LARS1: variants seen among roughly 807,000 people sequenced by gnomAD.
LARS1 encodes the protein leucyl-tRNA synthetase 1, also known as leucine--tRNA ligase, cytoplasmic.
Under a neutral mutation model 162.8 loss-of-function variants are expected in LARS1, and 100 were observed. The ratio of observed to expected loss-of-function variants is 0.61; its 90% CI spans 0.52 to 0.73. LARS1 has a LOEUF of 0.73. Ranked by LOEUF, LARS1 falls within the 30% of genes least tolerant of loss-of-function variation. The pLI, the probability that LARS1 is intolerant of heterozygous loss-of-function variation, is 0.00. For missense variants in LARS1, 1,258 were observed against 1,408.9 expected (o/e 0.89, Z 1.71); for synonymous variants, 457 against 462.8 (o/e 0.99, Z 0.16).
chr5:146,164,356 T>C lies in LARS1; in HGVS notation c.548A>G (p.Tyr183Cys). ...ATCCTGAATAGCCAGTGGCGGGAAA[T>C]AATCAAGCCAATGTTCTGCTTCAGA... ...KFSEAEHWLD[Y>C]FPPLAIQDLK... The change falls in exon 6 of 32, where the codon TAT becomes TGT. Residue 183 changes from tyrosine to cysteine, a missense_variant. By Grantham distance (194) the Tyr-to-Cys change is radical (BLOSUM62 -2). Coordinates refer to ENST00000394434, the MANE Select transcript of LARS1 (RefSeq NM_020117.11). 6.2e-7 allele frequency: 1 copy of C among 1,606,618 alleles called. No individual in the cohort carries two copies. The highest frequency in any genetic ancestry group is 1.1e-5 in the South Asian group (1 of 91,048).
Position 146,143,298 on chromosome 5 carries a change from A to G in LARS1, c.1877+114T>C, listed in dbSNP as rs1351232229. On this transcript the variant is annotated intron_variant, in intron 19 of 31. Coordinates refer to ENST00000394434, the MANE Select transcript of LARS1 (RefSeq NM_020117.11). ...CCCAGTTCAATAGTAAAAAAGCAAAAATATCATGACAAAATTCTGTGAAAT... is the reference window on the plus strand; with the variant it reads ...CCCAGTTCAATAGTAAAAAAGCAAAGATATCATGACAAAATTCTGTGAAAT... 3 of 1,408,982 alleles carry G rather than the reference A, an allele frequency of 2.1e-6. No individual in the cohort carries two copies. In the East Asian group the frequency reaches 6.9e-5, roughly 32 times the overall value. 87.3% of individuals were successfully genotyped at this position (1,408,982 alleles called of 1,614,324 possible).
At chr5:146,150,942 G>GACAC (rs3995492) in intron 14 of LARS1, among the ~76,000 whole-genome samples, 35,212 of 134,570 alleles carry the variant, frequency 0.26, 4,729 homozygotes, top group Middle Eastern at 0.35. Flanking sequence ...CCGTCAGATA[G>GACAC]ACACACACAC....
At position 146,130,845 on chromosome 5, in the gene LARS1, C is replaced by T. The variant is rs115245364; in HGVS notation, c.2487+174G>A. 3.3e-3 allele frequency: 1,463 copies of T among 447,596 alleles called. 16 individuals are homozygous for T. Among genetic ancestry groups the T allele is most frequent in the African/African-American group, 0.027 (1,325 of 49,104 alleles). The allele number at this position is 447,596 out of a possible 1,614,324, so 27.7% of individuals were successfully genotyped here. A position where few individuals can be genotyped will look rare whatever the true frequency, so the allele number is the denominator to read the frequency against. ...TTAAATGGACACAATAGAAAAAATA[C>T]CAAAGATAATAACTTAAAATCACAA... On this transcript the variant is annotated intron_variant, in intron 24 of 31. Transcript: ENST00000394434.
chr5:146,176,242 A>G, intron 2 of LARS1, among the ~76,000 whole-genome samples: 1 of 152,072 alleles, frequency 6.6e-6, no homozygotes, highest in Non-Finnish European at 1.5e-5. Flanking sequence ...TCACGAGGTC[A>G]GGAAATCGAG....
At position 146,161,694 on chromosome 5, in the gene LARS1, AGT is replaced by A. The variant is rs559040823; in HGVS notation, c.595-1210_595-1209del. Among the ~76,000 whole-genome samples the A allele has an allele frequency of 2.4e-3, 368 of 151,882 alleles. 4 individuals are homozygous for A. The highest frequency in any genetic ancestry group is 8.6e-3 in the African/African-American group (355 of 41,464). ...CTTGAACCCGGGAGGCGGAGGTTGC[AGT>A]GAGTCGATATCATGCCATTGCACTC... On this transcript the variant is annotated intron_variant, in intron 6 of 31. Coordinates refer to ENST00000394434, the MANE Select transcript of LARS1 (RefSeq NM_020117.11).
At chr5:146,130,979 T>C (rs375047028) in intron 24 of LARS1, 40 bp downstream of exon 24, 178 of 1,123,646 alleles carry the variant, frequency 1.6e-4, no homozygotes, top group Middle Eastern at 2.0e-4. Flanking sequence ...AATGTTCACA[T>C]TGACATGTTT....
In LARS1 at chr5:146,143,570, G is replaced by C. The variant is rs745837740; in HGVS notation, c.1739-20C>G. On this transcript the variant is annotated intron_variant, in intron 18 of 31. Coordinates refer to ENST00000394434, the MANE Select transcript of LARS1 (RefSeq NM_020117.11). ...GAGTGCCTGAAAAATAAAAAGTAAC[G>C]CATGAGGAACCTGAGAGACATTTCA... The C allele has an allele frequency of 1.9e-6, 3 of 1,609,778 alleles. No homozygotes were observed. Among genetic ancestry groups the C allele is most frequent in the East Asian group, 4.5e-5 (2 of 44,842 alleles).
intron 27 of LARS1, among the ~76,000 whole-genome samples, chr5:146,127,303 T>A (rs1752087095): frequency 1.3e-5 from 2 of 152,048 alleles, no homozygotes; most frequent in Admixed American, 6.6e-5. Flanking sequence ...AATATATTCC[T>A]CTGAAACACA....
chr5:146,116,105 T>C (rs1482214563), intron 31 of LARS1, among the ~76,000 whole-genome samples: 1 of 152,218 alleles, frequency 6.6e-6, no homozygotes, highest in Non-Finnish European at 1.5e-5. Flanking sequence ...TTGGAGAGTT[T>C]CTGCAGGGAC....
At chr5:146,145,345 T>C (rs1752965888) in intron 15 of LARS1, among the ~76,000 whole-genome samples, 1 of 152,058 alleles carries the variant, frequency 6.6e-6, no homozygotes, top group Non-Finnish European at 1.5e-5. Flanking sequence ...CCTCCCAAAG[T>C]GTTTGGATTA....
Position 146,171,930 on chromosome 5 carries a change from A to C in LARS1, c.274T>G (p.Cys92Gly). Residue 92 changes from cysteine (C) to glycine (G), a missense_variant, in exon 4 of 32, where the codon TGT becomes GGT. Physicochemically the swap from Cys to Gly is radical, Grantham distance 159. Transcript: ENST00000394434. ...KCCLFPFGLHCTGMPIKACAD... is the reference protein window; with the variant it reads ...KCCLFPFGLHGTGMPIKACAD... ...CTTACCTTAATAGGCATTCCAGTACAGTGCAGGCCAAAGGGAAACAGACAA... is the reference window on the plus strand; with the variant it reads ...CTTACCTTAATAGGCATTCCAGTACCGTGCAGGCCAAAGGGAAACAGACAA... 4.3e-6 allele frequency: 7 copies of C among 1,613,806 alleles called. No homozygotes were observed. The highest frequency in any genetic ancestry group is 5.9e-6 in the Non-Finnish European group (7 of 1,179,724).
intron 31 of LARS1, among the ~76,000 whole-genome samples, chr5:146,116,743 T>C (rs1010452070): frequency 3.3e-5 from 5 of 152,204 alleles, no homozygotes; most frequent in African/African-American, 1.2e-4. Context: ...GATTCAAATT[T>C]ATTACCATCA....
intron 14 of LARS1, among the ~76,000 whole-genome samples, chr5:146,150,352 A>G (rs1171969817): frequency 1.3e-5 from 2 of 152,234 alleles, no homozygotes; most frequent in Non-Finnish European, 2.9e-5. Context: ...TATCTTAGGT[A>G]GAAAAGACAT....
chr5:146,175,645 A>G (rs866499830), intron 2 of LARS1, among the ~76,000 whole-genome samples: 16 of 151,796 alleles, frequency 1.1e-4, no homozygotes, highest in Admixed American at 2.6e-4. Context: ...CGAGACCACA[A>G]TGCAACCCCA....
At position 146,160,402 on chromosome 5, in the gene LARS1, C is replaced by T. The variant is rs754853666; in HGVS notation, c.679G>A (p.Glu227Lys). 12 of 1,570,688 alleles carry T rather than the reference C, an allele frequency of 7.6e-6. No individual in the cohort carries two copies. The Admixed American group carries it at 2.3e-4, about 30-fold the overall frequency. The stretch of plus-strand genomic sequence containing the variant: ...TTCCCAAATTTAATTTTGTTTCTTT[C>T]TCTTAATGTTAAAAATTGCCATCTG... ...FVRWQFLTLR[E>K]RNKIKFGKRY... Residue 227 changes from glutamate (E) to lysine (K), a missense_variant, in exon 7 of 32, where the codon GAA becomes AAA. Transcript: ENST00000394434.
chr5:146,160,359 G>T lies in LARS1; in HGVS notation c.707+15C>A. On this transcript the variant is annotated intron_variant, in intron 7 of 31. Transcript: ENST00000394434. The stretch of plus-strand genomic sequence containing the variant: ...CTGATTTTTGCTTTATTATGCTCAA[G>T]TATAACAAACTTACCGCTTCCCAAA... The T allele has an allele frequency of 1.4e-6, 2 of 1,422,986 alleles. No homozygotes were observed. The highest frequency in any genetic ancestry group is 9.7e-7 in the Non-Finnish European group (1 of 1,033,560). The allele number at this position is 1,422,986 out of a possible 1,614,324, so 88.1% of individuals were successfully genotyped here. A position where few individuals can be genotyped will look rare whatever the true frequency, so the allele number is the denominator to read the frequency against.
At chr5:146,178,180 C>G (rs953245300) in intron 1 of LARS1, among the ~76,000 whole-genome samples, 2 of 152,110 alleles carry the variant, frequency 1.3e-5, no homozygotes, top group African/African-American at 4.8e-5. Flanking sequence ...ATGTAAAAGG[C>G]TTTGATATGC....
At chr5:146,142,092 G>A (rs866566545) in intron 20 of LARS1, among the ~76,000 whole-genome samples, 1 of 151,972 alleles carries the variant, frequency 6.6e-6, no homozygotes. Flanking sequence ...CCCAGGAGGC[G>A]GAGGTTGCAG....
chr5:146,156,648 C>T (rs1753541566), intron 10 of LARS1, among the ~76,000 whole-genome samples: 1 of 151,532 alleles, frequency 6.6e-6, no homozygotes, highest in Non-Finnish European at 1.5e-5. Flanking sequence ...GAGCTGAGAT[C>T]GCGCCACTGA....
Sources: gnomAD v4.1 joint callset for allele counts (sites outside exome capture counted in the v4.1 genomes callset) on GRCh38, gnomAD v4.1.1 for gene constraint, MANE v1.5 for transcripts, NCBI Gene and HGNC (gene_info 2026-07-23, HGNC 2026-07-21) for gene names.